The following RYR2 variants were observed in gnomAD, a reference collection of about 807,000 sequenced individuals.
RYR2 encodes the protein cardiac muscle ryanodine receptor-calcium release channel.
A neutral mutation model predicts 601.1 loss-of-function variants in RYR2; 227 were observed. That is an observed-to-expected ratio of 0.38 (90% CI 0.34 to 0.42). The LOEUF (loss-of-function observed/expected upper bound fraction) is 0.42, where lower values mean the gene tolerates loss of function less well. Among genes scored for constraint, RYR2 ranks in the 10% least tolerant of loss-of-function variants. The probability of loss-of-function intolerance (pLI) is 1.00; values close to 1 mark genes in which losing one functional copy is unlikely to be tolerated. For synonymous variants in RYR2, 2,223 were observed against 2,175.1 expected (o/e 1.02, Z -0.61); for missense variants, 4,646 against 6,156.5 (o/e 0.75, Z 8.21).
intron 2 of RYR2, among the ~76,000 whole-genome samples, chr1:237,284,302 A>AG (rs111703454): frequency 0.47 from 70,474 of 149,574 alleles, 18,783 homozygotes; most frequent in East Asian, 0.77. Flanking sequence ...AATTGCTTGA[A>AG]CTGGGAGGCG....
Position 237,650,079 on chromosome 1 carries a change from G to A in RYR2, c.7715G>A (p.Cys2572Tyr), listed in dbSNP as rs1193431142. The A allele has an allele frequency of 6.2e-7, 1 of 1,613,872 alleles. No homozygotes were observed. Among genetic ancestry groups the A allele is most frequent in the Non-Finnish European group, 8.5e-7 (1 of 1,179,832 alleles). ...GCTCAGCGGGATTCCATAGAAGTTT[G>A]TTTACTCTCTATTTGTGGGTGAGTG... Reference protein sequence around the residue: ...TKAQRDSIEVCLLSICGQLRP... With the variant: ...TKAQRDSIEVYLLSICGQLRP... Residue 2572 changes from cysteine (C) to tyrosine (Y), a missense_variant, in exon 50 of 105, where the codon TGT (cysteine) becomes TAT (tyrosine). Cys to Tyr is a radical substitution (Grantham distance 194). Transcript: ENST00000366574.
chr1:237,306,441 CTATT>C (rs1693867276), intron 2 of RYR2, among the ~76,000 whole-genome samples: 1 of 152,144 alleles, frequency 6.6e-6, no homozygotes, highest in Non-Finnish European at 1.5e-5. Flanking sequence ...ATCATTTAAT[CTATT>C]TATGATAGCA....
intron 1 of RYR2, among the ~76,000 whole-genome samples, chr1:237,210,757 G>A (rs560579474): frequency 6.6e-6 from 1 of 152,250 alleles, no homozygotes; most frequent in South Asian, 2.1e-4. Flanking sequence ...CCACTATCTT[G>A]GAAAGCAGGC....
intron 23 of RYR2, among the ~76,000 whole-genome samples, chr1:237,510,359 G>A (rs1219211002): frequency 6.6e-6 from 1 of 152,140 alleles, no homozygotes; most frequent in African/African-American, 2.4e-5. Flanking sequence ...AGAGAGTAGA[G>A]ACAAAGTGGA....
At chr1:237,066,793 C>G (rs1178454606) in intron 1 of RYR2, among the ~76,000 whole-genome samples, 1 of 152,078 alleles carries the variant, frequency 6.6e-6, no homozygotes, top group Non-Finnish European at 1.5e-5. Context: ...AGGCGCCCAC[C>G]ACCACACCCG....
chr1:237,318,901 C>T (rs1470913202), intron 2 of RYR2, among the ~76,000 whole-genome samples: 2 of 152,020 alleles, frequency 1.3e-5, no homozygotes, highest in African/African-American at 4.8e-5. Context: ...ATGCATTTTT[C>T]TGACCGCTTC....
At chr1:237,571,438 C>T (rs1248325082) in intron 29 of RYR2, among the ~76,000 whole-genome samples, 3 of 151,918 alleles carry the variant, frequency 2.0e-5, no homozygotes, top group African/African-American at 7.3e-5. Context: ...CCTCAGCCTC[C>T]CAAGTAGCTG....
At chr1:237,062,391 T>C (rs539732903) in intron 1 of RYR2, among the ~76,000 whole-genome samples, 37 of 152,304 alleles carry the variant, frequency 2.4e-4, no homozygotes, top group African/African-American at 8.7e-4. Flanking sequence ...CTTTTATATA[T>C]TTAGATATTT....
At chr1:237,687,101 A>T (rs1424834262) in intron 62 of RYR2, among the ~76,000 whole-genome samples, 2 of 152,078 alleles carry the variant, frequency 1.3e-5, no homozygotes, top group Non-Finnish European at 2.9e-5. Context: ...ATAAAACCAA[A>T]TTTTTTCCTG....
chr1:237,668,077 A>G (rs561929454), intron 58 of RYR2, 119 bp downstream of exon 58: 4 of 717,770 alleles, frequency 5.6e-6, no homozygotes, highest in East Asian at 3.0e-5. Flanking sequence ...GAACGGTTTA[A>G]TTGTGCCTGT....
intron 17 of RYR2, among the ~76,000 whole-genome samples, chr1:237,488,465 G>A (rs892518454): frequency 7.9e-5 from 12 of 151,990 alleles, no homozygotes; most frequent in African/African-American, 2.9e-4. Flanking sequence ...CATTCTTAAG[G>A]GCTCTACCTT....
intron 43 of RYR2, among the ~76,000 whole-genome samples, chr1:237,634,248 G>A: frequency 6.6e-6 from 1 of 151,982 alleles, no homozygotes; most frequent in Non-Finnish European, 1.5e-5. Context: ...GGAAAAATGT[G>A]GTACATATTC....
At chr1:237,209,674 C>T (rs2149088033) in intron 1 of RYR2, among the ~76,000 whole-genome samples, 1 of 151,978 alleles carries the variant, frequency 6.6e-6, no homozygotes, top group Non-Finnish European at 1.5e-5. Context: ...GCAATATAGC[C>T]AGACCCTGTC....
At chr1:237,565,740 A>G (rs3766865) in intron 27 of RYR2, among the ~76,000 whole-genome samples, 12,259 of 152,182 alleles carry the variant, frequency 0.081, 682 homozygotes, top group East Asian at 0.2. Flanking sequence ...TGAGATATCA[A>G]TTCAATGAAC....
At chr1:237,353,594 ATAAT>A (rs1699050530) in intron 3 of RYR2, among the ~76,000 whole-genome samples, 1 of 152,010 alleles carries the variant, frequency 6.6e-6, no homozygotes, top group Non-Finnish European at 1.5e-5. Context: ...TAATTTAAAA[ATAAT>A]TACTTTTATA....
At chr1:237,304,357 C>T (rs903030216) in intron 2 of RYR2, among the ~76,000 whole-genome samples, 9 of 152,148 alleles carry the variant, frequency 5.9e-5, no homozygotes, top group African/African-American at 2.2e-4. Flanking sequence ...ATTCTATTTC[C>T]TCATCCATTA....
Position 237,706,955 on chromosome 1 carries a change from G to A in RYR2, c.9587G>A (p.Ser3196Asn), listed in dbSNP as rs1250418772. The change falls in exon 68 of 105, where the codon AGT becomes AAT. Residue 3196 changes from serine to asparagine, a missense_variant. By Grantham distance (46) the Ser-to-Asn change is conservative. Around this residue, in one of 17 missense-constraint regions of RYR2, gnomAD observed 1,497 missense variants for 1,842.6 expected, o/e 0.81. Coordinates refer to ENST00000366574, the MANE Select transcript of RYR2 (RefSeq NM_001035.3). Reference protein sequence around the residue: ...TKSSRERAALSLPTNVEDVCP... With the variant: ...TKSSRERAALNLPTNVEDVCP... ...TTTATATGTACTTCTCCAGCTCTCA[G>A]TTTGCCAACTAATGTGGAAGATGTT... 3.1e-6 allele frequency: 5 copies of A among 1,610,848 alleles called. No homozygotes were observed. In the South Asian group the frequency reaches 4.4e-5, roughly 14 times the overall value.
intron 58 of RYR2, among the ~76,000 whole-genome samples, chr1:237,669,504 G>A (rs1412622069): frequency 7.3e-6 from 1 of 137,840 alleles, no homozygotes; most frequent in Non-Finnish European, 1.6e-5. Context: ...CCGGGCGGGG[G>A]GCTGACCCCC....
chr1:237,065,934 A>G (rs1419638782), intron 1 of RYR2, among the ~76,000 whole-genome samples: 3 of 152,136 alleles, frequency 2.0e-5, no homozygotes, highest in Admixed American at 1.3e-4. Context: ...ACCAGATTTC[A>G]AGAGCACTTG....
Sources: allele counts gnomAD v4.1 joint callset (sites outside exome capture counted in the v4.1 genomes callset), GRCh38; gene constraint gnomAD v4.1.1; regional missense constraint gnomAD v4.1.1; transcripts MANE v1.5; gene names NCBI Gene and HGNC (gene_info 2026-07-23, HGNC 2026-07-21).